FLG: variants seen among roughly 807,000 people sequenced by gnomAD.
FLG encodes filaggrin.
FLG carries 6 observed loss-of-function variants against 3.8 expected under a neutral mutation model. The ratio of observed to expected loss-of-function variants is 1.60; its 90% confidence interval spans 0.87 to 3.15. The LOEUF is 3.15. FLG is among the 30% of genes most tolerant of loss of function. The probability of loss-of-function intolerance (pLI) is 0.00; values close to 1 mark genes in which losing one functional copy is unlikely to be tolerated. For missense variants in FLG, 7,595 were observed against 5,050.9 expected (o/e 1.50, Z -15.27); for synonymous variants, 2,551 against 1,931.6 (o/e 1.32, Z -8.41).
Position 152,303,026 on chromosome 1 carries a change from T to G in FLG, c.11860A>C (p.Ser3954Arg). 3 of 1,614,172 alleles carry G rather than the reference T, an allele frequency of 1.9e-6. No individual in the cohort carries two copies. The highest frequency in any genetic ancestry group is 2.5e-6 in the Non-Finnish European group (3 of 1,180,032). ...IQSRGSPHSSSSYHYQSEGTE... is the reference protein window; with the variant it reads ...IQSRGSPHSSRSYHYQSEGTE... ...CCCTCAGATTGATAATGATAAGAAC[T>G]AGAACTGTGAGGACTGCCACGTGAC... Residue 3954 changes from serine to arginine, a missense_variant, in exon 3 of 3, where the codon AGT (serine) becomes CGT (arginine). By Grantham distance (110) the Ser-to-Arg change is moderately radical. Coordinates refer to ENST00000368799, the MANE Select transcript of FLG (RefSeq NM_002016.2).
rs768300379 is a variant in FLG at position 152,310,196 on chromosome 1, G to A, written c.4690C>T (p.Pro1564Ser). ...CTAGAGCTGCCGGCCCGAGTGGAAG[G>A]TTCATGGTGACGTGACCCTGAGTGC... ...SRHSGSRHHE[P>S]STRAGSSRHS... The change falls in exon 3 of 3, where the codon CCT (proline) becomes TCT (serine). Residue 1564 changes from proline (P) to serine (S), a missense_variant. Transcript: ENST00000368799. 2 of 1,613,394 alleles carry A rather than the reference G, an allele frequency of 1.2e-6. No individual in the cohort carries two copies. Among genetic ancestry groups the A allele is most frequent in the Non-Finnish European group, 1.7e-6 (2 of 1,179,864 alleles).
chr1:152,308,798 C>A lies in FLG; in HGVS notation c.6088G>T (p.Ala2030Ser). Residue 2030 changes from alanine (A) to serine (S), a missense_variant, in exon 3 of 3, where the codon GCA becomes TCA. By Grantham distance (99) the Ala-to-Ser change is moderately conservative. Coordinates refer to ENST00000368799, the MANE Select transcript of FLG (RefSeq NM_002016.2). ...SGIGHGQASS[A>S]VRDSGHRGYS... Reference sequence around the variant, plus strand: ...CCTCGGTGTCCACTGTCTCTGACTGCAGATGAAGCTTGTCCATGCCCAATG... The same window carrying A: ...CCTCGGTGTCCACTGTCTCTGACTGAAGATGAAGCTTGTCCATGCCCAATG... 1.2e-6 allele frequency: 2 copies of A among 1,614,182 alleles called. No homozygotes were observed. Among genetic ancestry groups the A allele is most frequent in the Non-Finnish European group, 1.7e-6 (2 of 1,180,026 alleles).
chr1:152,311,635 T>C lies in FLG; in HGVS notation c.3251A>G (p.Gln1084Arg), dbSNP rs750442026. 1.3e-5 allele frequency: 21 copies of C among 1,614,004 alleles called. No individual in the cohort carries two copies. In the East Asian group the frequency reaches 4.7e-4, roughly 36 times the overall value. Residue 1084 changes from glutamine (Q) to arginine (R), a missense_variant, in exon 3 of 3, where the codon CAG becomes CGG. Transcript: ENST00000368799. ...SEGHSEESDTQSVSGHGQDGP... is the reference protein window; with the variant it reads ...SEGHSEESDTRSVSGHGQDGP... ...ATCCTGTCCATGGCCTGACACTGAC[T>C]GTGTGTCTGACTCCTCTGAATGTCC... is the stretch of plus-strand genomic sequence containing the variant.
At position 152,314,521 on chromosome 1, in the gene FLG, C is replaced by A. The variant is rs1652703326; in HGVS notation, c.365G>T (p.Arg122Ile). 1 of 1,613,152 alleles carries A rather than the reference C, an allele frequency of 6.2e-7. No homozygotes were observed. The highest frequency in any genetic ancestry group is 1.3e-5 in the African/African-American group (1 of 74,714). ...TCTTTCCAGACTTGAGGGTCTTTTT[C>A]TGTTTTCTTTGTTTTCTTCCTGTTT... ...DNKQEENKENRKRPSSLERRN... is the reference protein window; with the variant it reads ...DNKQEENKENIKRPSSLERRN... The change falls in exon 3 of 3, where the codon AGA becomes ATA. Residue 122 changes from arginine (R) to isoleucine (I), a missense_variant. Transcript: ENST00000368799.
chr1:152,314,978 T>C, intron 2 of FLG: 1 of 534,084 alleles, frequency 1.9e-6, no homozygotes, highest in South Asian at 2.7e-5. Flanking sequence ...CTTTTTCTTA[T>C]TTTAAAAGTC....
At chr1:152,322,970 G>C (rs1423595963) in intron 1 of FLG, among the ~76,000 whole-genome samples, 5 of 151,360 alleles carry the variant, frequency 3.3e-5, no homozygotes, top group African/African-American at 9.7e-5. Context: ...CAGATAGCAA[G>C]GTGTGTTATA....
rs3120646 is a variant in FLG, at chr1:152,309,459, A to T, written c.5427T>A (p.Gly1809=). 2 of 1,612,288 alleles carry T rather than the reference A, an allele frequency of 1.2e-6. No homozygotes were observed. Among genetic ancestry groups the T allele is most frequent in the South Asian group, 2.2e-5 (2 of 91,012 alleles). The change falls in exon 3 of 3, where the codon GGT becomes GGA. Residue 1809 remains glycine, a synonymous_variant. Transcript: ENST00000368799. ...DSSRHSASQE[G]QDTIRGHPGS... is the part of the protein sequence containing the mutation. Reference sequence around the variant, plus strand: ...CTGGGTGTCCACGAATGGTGTCCTGACCCTCTTGGGACGCTGAGTGCCTGG... The same window carrying T: ...CTGGGTGTCCACGAATGGTGTCCTGTCCCTCTTGGGACGCTGAGTGCCTGG...
rs3120648 is a variant in FLG at position 152,310,423 on chromosome 1, G to T, written c.4463C>A (p.Thr1488Asn). 20,961 of 1,613,256 alleles carry T rather than the reference G, an allele frequency of 0.013. 2,332 individuals carry two copies. The African/African-American group carries it at 0.24, about 19-fold the overall frequency. ...GCTTGACCCCGGGTGTCCACGAATGGTGTCCTGACCGTCTTGGGATGCTGA... is the reference window on the plus strand; with the variant it reads ...GCTTGACCCCGGGTGTCCACGAATGTTGTCCTGACCGTCTTGGGATGCTGA... Reference protein sequence around the residue: ...RHSASQDGQDTIRGHPGSSRG... With the variant: ...RHSASQDGQDNIRGHPGSSRG... Residue 1488 changes from threonine (T) to asparagine (N), a missense_variant, in exon 3 of 3, where the codon ACC becomes AAC. Physicochemically the swap from Thr to Asn is moderately conservative, Grantham distance 65. Coordinates refer to ENST00000368799, the MANE Select transcript of FLG (RefSeq NM_002016.2).
rs144707063 is a variant in FLG, at chr1:152,311,737, G to A, written c.3149C>T (p.Pro1050Leu). The A allele has an allele frequency of 5.9e-5, 95 of 1,613,848 alleles. 1 individual carries two copies. The highest frequency in any genetic ancestry group is 6.9e-5 in the Non-Finnish European group (81 of 1,179,952). Residue 1050 changes from proline (P) to leucine (L), a missense_variant, in exon 3 of 3, where the codon CCG becomes CTG. Coordinates refer to ENST00000368799, the MANE Select transcript of FLG (RefSeq NM_002016.2). Reference sequence around the variant, plus strand: ...GACTGCAGATGAAGCTTGTCTGCGCGGAATGCCTGAGTGTCTGGAGCTGTC... The same window carrying A: ...GACTGCAGATGAAGCTTGTCTGCGCAGAATGCCTGAGTGTCTGGAGCTGTC... Reference protein sequence around the residue: ...SADSSRHSGIPRRQASSAVRD... With the variant: ...SADSSRHSGILRRQASSAVRD...
chr1:152,303,044 C>A lies in FLG; in HGVS notation c.11842G>T (p.Gly3948Cys). 2 of 1,614,164 alleles carry A rather than the reference C, an allele frequency of 1.2e-6. No individual in the cohort carries two copies. The highest frequency in any genetic ancestry group is 1.7e-6 in the Non-Finnish European group (2 of 1,180,036). ...SAYHSGIQSR[G>C]SPHSSSSYHY... ...TAAGAACTAGAACTGTGAGGACTGC[C>A]ACGTGACTGTATTCCTGAGTGATAC... The change falls in exon 3 of 3, where the codon GGC (glycine) becomes TGC (cysteine). Residue 3948 changes from glycine to cysteine, a missense_variant. Gly to Cys is a radical substitution (Grantham distance 159). Transcript: ENST00000368799.
In FLG at chr1:152,308,752, C is replaced by G. The variant is rs7546186; in HGVS notation, c.6134G>C (p.Ser2045Thr). ...GTCTTCTGAATGTCCCTCACTGTCA[C>G]TGGCCTGACTACCACTGTACCCTCG... ...GHRGYSGSQA[S>T]DSEGHSEDSD... is the part of the protein sequence containing the mutation. Residue 2045 changes from serine (S) to threonine (T), a missense_variant, in exon 3 of 3, where the codon AGT (serine) becomes ACT (threonine). Coordinates refer to ENST00000368799, the MANE Select transcript of FLG (RefSeq NM_002016.2). The G allele has an allele frequency of 0.16, 263,725 of 1,598,700 alleles. 4 individuals are homozygous for G. The highest frequency in any genetic ancestry group is 0.41 in the East Asian group (18,055 of 44,428).
Position 152,312,052 on chromosome 1 carries a change from C to T in FLG, c.2834G>A (p.Ser945Asn). Reference protein sequence around the residue: ...GSRTSRRQGSSVSQDSDSEGH... With the variant: ...GSRTSRRQGSNVSQDSDSEGH... ...CTCACTGTCACTGTCCTGGCTAACA[C>T]TGGATCCCTGGCGCCTGCTTGTCCT... Residue 945 changes from serine (S) to asparagine (N), a missense_variant, in exon 3 of 3, where the codon AGT (serine) becomes AAT (asparagine). Ser to Asn is a conservative substitution (Grantham distance 46). Transcript: ENST00000368799. The T allele has an allele frequency of 1.2e-6, 2 of 1,614,182 alleles. No individual in the cohort carries two copies. The highest frequency in any genetic ancestry group is 1.7e-6 in the Non-Finnish European group (2 of 1,180,032).
intron 1 of FLG, among the ~76,000 whole-genome samples, chr1:152,318,299 C>G (rs978054372): frequency 6.6e-6 from 1 of 151,910 alleles, no homozygotes; most frequent in Non-Finnish European, 1.5e-5. Context: ...TGTGTCAAAT[C>G]ATCTGTGATC....
Position 152,308,182 on chromosome 1 carries a change from G to T in FLG, c.6704C>A (p.Thr2235Lys). Reference sequence around the variant, plus strand: ...AACACTGGATCCCCGGGGCCTGCTTGTCCTGGGCCCTGATGATTGTCCCTG... The same window carrying T: ...AACACTGGATCCCCGGGGCCTGCTTTTCCTGGGCCCTGATGATTGTCCCTG... ...VGQGQSSGPR[T>K]SRPRGSSVSQ... Residue 2235 changes from threonine (T) to lysine (K), a missense_variant, in exon 3 of 3, where the codon ACA (threonine) becomes AAA (lysine). Transcript: ENST00000368799. The T allele has an allele frequency of 6.3e-7, 1 of 1,599,774 alleles. No individual in the cohort carries two copies. The highest frequency in any genetic ancestry group is 8.5e-7 in the Non-Finnish European group (1 of 1,175,242).
chr1:152,310,814 C>G lies in FLG; in HGVS notation c.4072G>C (p.Gly1358Arg), dbSNP rs749172117. 3 of 1,611,880 alleles carry G rather than the reference C, an allele frequency of 1.9e-6. No homozygotes were observed. The highest frequency in any genetic ancestry group is 1.7e-4 in the Middle Eastern group (1 of 6,054). The change falls in exon 3 of 3, where the codon GGA (glycine) becomes CGA (arginine). Residue 1358 changes from glycine (G) to arginine (R), a missense_variant. By Grantham distance (125) the Gly-to-Arg change is moderately radical. Transcript: ENST00000368799. ...TCTGCTGACTGCTGGTGGCGGGATC[C>G]ATGTCTTTCTCCTGGACTTGATCTT... is the stretch of plus-strand genomic sequence containing the variant. ...QARSSPGERH[G>R]SRHQQSADSS...
Position 152,308,746 on chromosome 1 carries a change from C to G in FLG, c.6140G>C (p.Ser2047Thr). 3 of 1,614,178 alleles carry G rather than the reference C, an allele frequency of 1.9e-6. No homozygotes were observed. The highest frequency in any genetic ancestry group is 1.7e-6 in the Non-Finnish European group (2 of 1,180,010). Residue 2047 changes from serine to threonine, a missense_variant, in exon 3 of 3, where the codon AGT becomes ACT. Physicochemically the swap from Ser to Thr is moderately conservative, Grantham distance 58. Coordinates refer to ENST00000368799, the MANE Select transcript of FLG (RefSeq NM_002016.2). ...RGYSGSQASD[S>T]EGHSEDSDTQ... ...GTCTGAGTCTTCTGAATGTCCCTCA[C>G]TGTCACTGGCCTGACTACCACTGTA... is the stretch of plus-strand genomic sequence containing the variant.
At position 152,312,133 on chromosome 1, in the gene FLG, G is replaced by T. The variant is rs1261862182; in HGVS notation, c.2753C>A (p.Ser918Tyr). 1.2e-6 allele frequency: 2 copies of T among 1,614,092 alleles called. No homozygotes were observed. Among genetic ancestry groups the T allele is most frequent in the African/African-American group, 1.3e-5 (1 of 75,032 alleles). The change falls in exon 3 of 3, where the codon TCT becomes TAT. Residue 918 changes from serine to tyrosine, a missense_variant. Transcript: ENST00000368799. Reference protein sequence around the residue: ...HSGSRHHEASSHADISRHSQA... With the variant: ...HSGSRHHEASYHADISRHSQA... ...TGAGTGTCTAGAGATGTCGGCATGA[G>T]AGGAAGCTTCATGGTGACGTGACCC...
chr1:152,304,556 C>T lies in FLG; in HGVS notation c.10330G>A (p.Gly3444Arg), dbSNP rs1570894998. 1.2e-6 allele frequency: 2 copies of T among 1,609,822 alleles called. No individual in the cohort carries two copies. Among genetic ancestry groups the T allele is most frequent in the East Asian group, 2.2e-5 (1 of 44,548 alleles). The change falls in exon 3 of 3, where the codon GGA becomes AGA. Residue 3444 changes from glycine to arginine, a missense_variant. Physicochemically the swap from Gly to Arg is moderately radical, Grantham distance 125. Transcript: ENST00000368799. ...IRGHPGSSRR[G>R]RQGSHYEQSV... The stretch of plus-strand genomic sequence containing the variant: ...TGCTCGTAGTGGGATCCCTGCCTTC[C>T]TCTTCTGCTTGACCCCGGGTGTCCA...
rs371550625 is a variant in FLG, at chr1:152,312,111, G to A, written c.2775C>T (p.His925=). The change falls in exon 3 of 3, where the codon CAC becomes CAT. Residue 925 remains histidine (H), a synonymous_variant. Transcript: ENST00000368799. ...EASSHADISR[H]SQAGQGQSEG... ...CTGATTGTCCCTGGCCTGCCTGTGA[G>A]TGTCTAGAGATGTCGGCATGAGAGG... The A allele has an allele frequency of 3.7e-5, 60 of 1,614,098 alleles. No homozygotes were observed. The highest frequency in any genetic ancestry group is 3.3e-4 in the East Asian group (15 of 44,856).
Sources: allele counts gnomAD v4.1 joint callset (sites outside exome capture counted in the v4.1 genomes callset), GRCh38; gene constraint gnomAD v4.1.1; transcripts MANE v1.5; gene names NCBI Gene and HGNC (gene_info 2026-07-23, HGNC 2026-07-21).